The following CHRNA7 variants were observed in gnomAD, a reference collection of about 807,000 sequenced individuals.
The protein encoded by CHRNA7 is neuronal acetylcholine receptor subunit alpha-7.
A neutral mutation model predicts 48.0 loss-of-function variants in CHRNA7; 17 were observed. The observed-to-expected ratio is 0.35, with a 90% confidence interval of 0.24 to 0.53. The LOEUF (loss-of-function observed/expected upper bound fraction) is 0.53. Among genes scored for constraint, CHRNA7 ranks in the 20% least tolerant of loss-of-function variants. The pLI, the probability that CHRNA7 is intolerant of heterozygous loss-of-function variation, is 0.92. For missense variants in CHRNA7, 155 were observed against 577.7 expected, an observed-to-expected ratio of 0.27 and a Z score of 7.50; for synonymous variants, 75 against 242.3, an observed-to-expected ratio of 0.31 and a Z score of 6.41.
At chr15:32,052,728 A>AAAAT (rs899611588) in intron 2 of CHRNA7, among the ~76,000 whole-genome samples, 30 of 152,300 alleles carry the variant, frequency 2.0e-4, no homozygotes, top group African/African-American at 6.7e-4. Context: ...ACTCCATCTC[A>AAAAT]AAATAAATAA....
intron 2 of CHRNA7, among the ~76,000 whole-genome samples, chr15:32,081,333 TTAGAG>T (rs1475815552): frequency 1.3e-5 from 2 of 152,288 alleles, no homozygotes; most frequent in East Asian, 3.9e-4. Flanking sequence ...ATTACTGTAC[TTAGAG>T]TATTTACATT....
chr15:32,075,280 G>GTGTTAA (rs2050120028), intron 2 of CHRNA7, among the ~76,000 whole-genome samples: 1 of 152,176 alleles, frequency 6.6e-6, no homozygotes, highest in Non-Finnish European at 1.5e-5. Flanking sequence ...TGTAGAATTG[G>GTGTTAA]TGTTAAAATT....
chr15:32,144,760 C>T (rs1254859877), intron 4 of CHRNA7, among the ~76,000 whole-genome samples: 1 of 152,184 alleles, frequency 6.6e-6, no homozygotes, highest in Non-Finnish European at 1.5e-5. Flanking sequence ...TGGTTTTCAG[C>T]TCCATCAGGT....
intron 2 of CHRNA7, among the ~76,000 whole-genome samples, chr15:32,097,405 A>G (rs1016271122): frequency 2.6e-5 from 4 of 152,146 alleles, no homozygotes; most frequent in Non-Finnish European, 4.4e-5. Context: ...CGGTGCAGTC[A>G]TGATGGATGG....
At chr15:32,124,902 C>T (rs1456787682) in intron 4 of CHRNA7, among the ~76,000 whole-genome samples, 1 of 152,174 alleles carries the variant, frequency 6.6e-6, no homozygotes, top group Non-Finnish European at 1.5e-5. Context: ...AGATGTGTAT[C>T]TGCAAACCAG....
intron 6 of CHRNA7, 131 bp from the exon 7 acceptor site, chr15:32,158,281 A>AAC (rs2051787354): frequency 1.4e-6 from 1 of 729,966 alleles, no homozygotes; most frequent in South Asian, 2.4e-5. Flanking sequence ...GCTAATTACA[A>AAC]CCCCCCCCTT....
chr15:32,038,070 A>ATATATG (rs2049381909), intron 2 of CHRNA7, among the ~76,000 whole-genome samples: 3 of 145,876 alleles, frequency 2.1e-5, no homozygotes, highest in Non-Finnish European at 4.5e-5. Context: ...ATATATATAT[A>ATATATG]TAAATATACA....
chr15:32,133,885 G>A (rs1177868860), intron 4 of CHRNA7, among the ~76,000 whole-genome samples: 1 of 152,188 alleles, frequency 6.6e-6, no homozygotes, highest in Non-Finnish European at 1.5e-5. Flanking sequence ...CCATAGACAC[G>A]GTAGCAACAC....
Position 32,111,837 on chromosome 15 carries a change from G to GGT in CHRNA7, c.290_291dup (p.Lys98Ter). 1.2e-6 allele frequency: 2 copies of GGT among 1,613,908 alleles called. No homozygotes were observed. Among genetic ancestry groups the GGT allele is most frequent in the Non-Finnish European group, 1.7e-6 (2 of 1,179,804 alleles). ...AGTGGAATGTGTCAGAATATCCAGG[G>GGT]GTGAAGACTGTTCGTTTCCCAGATG... On this transcript the variant is annotated frameshift_variant, in exon 4 of 10. Transcript: ENST00000306901. LOFTEE classifies it high-confidence loss of function.
At chr15:32,033,500 C>A (rs1344632868) in intron 2 of CHRNA7, among the ~76,000 whole-genome samples, 1 of 152,230 alleles carries the variant, frequency 6.6e-6, no homozygotes, top group Non-Finnish European at 1.5e-5. Context: ...GACTTGGTAA[C>A]TTCGGCAGAA....
intron 4 of CHRNA7, among the ~76,000 whole-genome samples, chr15:32,122,186 A>T (rs2050982967): frequency 6.6e-6 from 1 of 152,202 alleles, no homozygotes; most frequent in Non-Finnish European, 1.5e-5. Flanking sequence ...TGGGTGAGGG[A>T]CTAGTGGGGC....
intron 2 of CHRNA7, among the ~76,000 whole-genome samples, chr15:32,072,824 AG>A (rs2050079085): frequency 6.6e-6 from 1 of 152,242 alleles, no homozygotes; most frequent in Admixed American, 6.5e-5. Context: ...GCAAAATTGA[AG>A]GAAGCTTGGC....
At chr15:32,135,572 G>A (rs1330207383) in intron 4 of CHRNA7, among the ~76,000 whole-genome samples, 2 of 152,188 alleles carry the variant, frequency 1.3e-5, no homozygotes, top group African/African-American at 4.8e-5. Flanking sequence ...TGAACAGGGC[G>A]AGACTTGCTA....
At chr15:32,135,263 A>C (rs1303767339) in intron 4 of CHRNA7, among the ~76,000 whole-genome samples, 1 of 152,254 alleles carries the variant, frequency 6.6e-6, no homozygotes, top group African/African-American at 2.4e-5. Flanking sequence ...ATTTTCAGAA[A>C]ACAGGTAAAG....
chr15:32,113,400 T>C (rs1044445196), intron 4 of CHRNA7, among the ~76,000 whole-genome samples: 1 of 152,148 alleles, frequency 6.6e-6, no homozygotes, highest in Non-Finnish European at 1.5e-5. Flanking sequence ...AGGCACCAGG[T>C]ATTAGGATTT....
intron 2 of CHRNA7, among the ~76,000 whole-genome samples, chr15:32,074,741 G>T (rs775133793): frequency 6.6e-6 from 1 of 151,398 alleles, no homozygotes; most frequent in Non-Finnish European, 1.5e-5. Context: ...TGCAACCTCC[G>T]CCTCCTGGGT....
chr15:32,031,596 AGGTACT>A (rs1901844564), intron 2 of CHRNA7, among the ~76,000 whole-genome samples: 1 of 152,172 alleles, frequency 6.6e-6, no homozygotes, highest in Non-Finnish European at 1.5e-5. Context: ...TGGTGAGGAC[AGGTACT>A]GGGAGTCCTG....
intron 2 of CHRNA7, among the ~76,000 whole-genome samples, chr15:32,062,632 C>G (rs781589065): frequency 3.3e-5 from 5 of 152,106 alleles, no homozygotes; most frequent in Non-Finnish European, 7.4e-5. Flanking sequence ...CTGATATTTT[C>G]TTTTATGATT....
At chr15:32,121,964 C>G (rs1469037342) in intron 4 of CHRNA7, among the ~76,000 whole-genome samples, 2 of 152,180 alleles carry the variant, frequency 1.3e-5, no homozygotes, top group East Asian at 1.9e-4. Context: ...GGAAATCTGT[C>G]CCTGACGCCT....
Sources: allele counts gnomAD v4.1 joint callset (sites outside exome capture counted in the v4.1 genomes callset), GRCh38; gene constraint gnomAD v4.1.1; transcripts MANE v1.5; gene names NCBI Gene and HGNC (gene_info 2026-07-23, HGNC 2026-07-21).